PTPRM: variants seen among roughly 807,000 people sequenced by gnomAD.
PTPRM encodes receptor-type tyrosine-protein phosphatase mu.
A neutral mutation model predicts 186.7 loss-of-function variants in PTPRM; 47 were observed. The ratio of observed to expected loss-of-function variants is 0.25; its 90% CI spans 0.20 to 0.32. PTPRM has a LOEUF of 0.32. Among genes scored for constraint, PTPRM ranks in the 10% least tolerant of loss-of-function variants. The pLI, the probability that PTPRM is intolerant of heterozygous loss-of-function variation, is 1.00. For synonymous variants in PTPRM, 668 were observed against 674.9 expected (o/e 0.99, Z 0.16); for missense variants, 1,494 against 1,865.0 (o/e 0.80, Z 3.66).
chr18:7,761,924 T>G (rs749077218), intron 1 of PTPRM, among the ~76,000 whole-genome samples: 12 of 152,184 alleles, frequency 7.9e-5, no homozygotes, highest in Admixed American at 1.3e-4. Context: ...TGGAGTCCAT[T>G]AGATGTTTTT....
chr18:7,612,220 A>G (rs544090001), intron 1 of PTPRM, among the ~76,000 whole-genome samples: 38 of 152,122 alleles, frequency 2.5e-4, no homozygotes, highest in Non-Finnish European at 5.1e-4. Context: ...ATGACAGGCA[A>G]TCTACTGTTA....
chr18:7,820,595 C>G (rs1014053341), intron 2 of PTPRM, among the ~76,000 whole-genome samples: 1 of 152,042 alleles, frequency 6.6e-6, no homozygotes, highest in Admixed American at 6.5e-5. Flanking sequence ...GAAACTGGCC[C>G]CTTCGAGGCA....
At chr18:7,951,802 A>G (rs2052978015) in intron 6 of PTPRM, among the ~76,000 whole-genome samples, 1 of 152,250 alleles carries the variant, frequency 6.6e-6, no homozygotes, top group African/African-American at 2.4e-5. Flanking sequence ...TGAGGCAATT[A>G]CTTTAAAATA....
At chr18:7,658,423 G>A (rs1037912963) in intron 1 of PTPRM, among the ~76,000 whole-genome samples, 3 of 149,224 alleles carry the variant, frequency 2.0e-5, no homozygotes, top group Non-Finnish European at 4.4e-5. Flanking sequence ...CAGAATGGTC[G>A]GTCACTGATG....
intron 1 of PTPRM, among the ~76,000 whole-genome samples, chr18:7,756,619 T>A (rs1246964333): frequency 6.6e-6 from 1 of 152,156 alleles, no homozygotes; most frequent in Non-Finnish European, 1.5e-5. Context: ...ACTTATGTAG[T>A]AGATTTGTGA....
intron 1 of PTPRM, among the ~76,000 whole-genome samples, chr18:7,611,916 C>A (rs1412581206): frequency 6.6e-6 from 1 of 152,174 alleles, no homozygotes; most frequent in Non-Finnish European, 1.5e-5. Flanking sequence ...ATGTCTTTAT[C>A]AGCAGCATGA....
intron 11 of PTPRM, 66 bp downstream of exon 11, chr18:8,088,917 C>A: frequency 8.1e-7 from 1 of 1,240,726 alleles, no homozygotes; most frequent in Non-Finnish European, 1.2e-6. Flanking sequence ...TTAATTCCTC[C>A]AATGTGTTTT....
chr18:7,639,749 CA>C (rs1305054974), intron 1 of PTPRM, among the ~76,000 whole-genome samples: 5 of 152,166 alleles, frequency 3.3e-5, no homozygotes, highest in Non-Finnish European at 5.9e-5. Flanking sequence ...GGTGAACAAG[CA>C]GATATCATCC....
At chr18:8,217,912 C>T (rs1238302846) in intron 14 of PTPRM, among the ~76,000 whole-genome samples, 11 of 152,100 alleles carry the variant, frequency 7.2e-5, no homozygotes, top group African/African-American at 1.2e-4. Flanking sequence ...TCCATAGTAT[C>T]GCGTTGTATT....
intron 4 of PTPRM, among the ~76,000 whole-genome samples, chr18:7,908,091 T>C (rs114931357): frequency 0.022 from 3,401 of 152,264 alleles, 113 homozygotes; most frequent in African/African-American, 0.076. Context: ...AGTGTGTTCT[T>C]AGAGGCTGAA....
chr18:7,820,309 G>C (rs2045115363), intron 2 of PTPRM, among the ~76,000 whole-genome samples: 1 of 152,168 alleles, frequency 6.6e-6, no homozygotes, highest in Non-Finnish European at 1.5e-5. Flanking sequence ...GTGAGGGCCT[G>C]CTCTGCTCAG....
At chr18:7,576,464 CTG>C (rs371654163) in intron 1 of PTPRM, among the ~76,000 whole-genome samples, 1 of 152,042 alleles carries the variant, frequency 6.6e-6, no homozygotes, top group Non-Finnish European at 1.5e-5. Context: ...TTTGTATAGT[CTG>C]TGTTTTTTTG....
intron 2 of PTPRM, among the ~76,000 whole-genome samples, chr18:7,847,692 C>G (rs1349860388): frequency 6.6e-6 from 1 of 152,130 alleles, no homozygotes; most frequent in African/African-American, 2.4e-5. Flanking sequence ...CCCCCTACAA[C>G]TAAAGATTAA....
chr18:7,725,544 GC>G (rs2040530517), intron 1 of PTPRM, among the ~76,000 whole-genome samples: 1 of 148,584 alleles, frequency 6.7e-6, no homozygotes, highest in African/African-American at 2.6e-5. Flanking sequence ...CCATGGCCCT[GC>G]CCCCAACCCC....
rs935477208 is a variant in PTPRM, at chr18:8,093,129, T to G, written c.1856+4278T>G. ...GTTATGAAGCATAAAGCATGTTTTT[T>G]TTTTTCTCAAGCAGCAGCAACCCAT... On this transcript the variant is annotated intron_variant, in intron 11 of 32. Coordinates refer to ENST00000580170, the MANE Select transcript of PTPRM (RefSeq NM_001105244.2). Among the ~76,000 whole-genome samples, 62 of 152,160 alleles carry G rather than the reference T, an allele frequency of 4.1e-4. 2 individuals are homozygous for G. The highest frequency in any genetic ancestry group is 4.0e-3 in the Admixed American group (61 of 15,278).
At chr18:8,206,268 A>ATTTTATTTTATTTTTTTTTTTTTTTTT (rs1238112461) in intron 14 of PTPRM, among the ~76,000 whole-genome samples, 7 of 148,986 alleles carry the variant, frequency 4.7e-5, no homozygotes, top group African/African-American at 1.8e-4. Flanking sequence ...ATTTTATTTT[A>ATTTTATTTTATTTTTTTTTTTTTTTTT]TTTTGAGACG....
At chr18:8,296,132 A>C (rs1429146340) in intron 19 of PTPRM, among the ~76,000 whole-genome samples, 1 of 152,220 alleles carries the variant, frequency 6.6e-6, no homozygotes, top group Non-Finnish European at 1.5e-5. Flanking sequence ...TTGTGGGTTC[A>C]CTCTTCAGCT....
chr18:7,597,332 T>C (rs1393908788), intron 1 of PTPRM, among the ~76,000 whole-genome samples: 1 of 152,200 alleles, frequency 6.6e-6, no homozygotes, highest in Non-Finnish European at 1.5e-5. Context: ...GTTCTCTCTG[T>C]GTTCTCTTCT....
chr18:8,205,838 A>C (rs1021999714), intron 14 of PTPRM, among the ~76,000 whole-genome samples: 8 of 152,154 alleles, frequency 5.3e-5, no homozygotes, highest in African/African-American at 1.9e-4. Flanking sequence ...TCTTAGAGAA[A>C]ATGAATTTTA....
Sources: allele counts gnomAD v4.1 joint callset (sites outside exome capture counted in the v4.1 genomes callset), GRCh38; gene constraint gnomAD v4.1.1; transcripts MANE v1.5; gene names NCBI Gene and HGNC (gene_info 2026-07-23, HGNC 2026-07-21).